CAMK4: variants seen among roughly 807,000 people sequenced by gnomAD.
CAMK4 encodes calcium/calmodulin-dependent protein kinase type IV.
Under a neutral mutation model 44.9 loss-of-function variants are expected in CAMK4, and 22 were observed. That is an observed-to-expected ratio of 0.49 (90% CI 0.35 to 0.70). The LOEUF (loss-of-function observed/expected upper bound fraction) is 0.70, where lower values mean the gene tolerates loss of function less well. Among genes scored for constraint, CAMK4 ranks in the 30% least tolerant of loss-of-function variants. The pLI, the probability that CAMK4 is intolerant of heterozygous loss-of-function variation, is 0.01. For missense variants in CAMK4, 498 were observed against 586.8 expected (o/e 0.85, Z 1.56); for synonymous variants, 218 against 215.4 (o/e 1.01, Z -0.11).
chr5:111,408,020 A>T (rs1190180967), intron 5 of CAMK4, among the ~76,000 whole-genome samples: 1 of 152,070 alleles, frequency 6.6e-6, no homozygotes, highest in Non-Finnish European at 1.5e-5. Flanking sequence ...GAGGCAGGAG[A>T]ATCGCTTGAA....
At chr5:111,352,637 C>CAG (rs70973603) in intron 2 of CAMK4, among the ~76,000 whole-genome samples, 38,382 of 108,890 alleles carry the variant, frequency 0.35, 6,897 homozygotes, top group South Asian at 0.51. Context: ...GGCAGAATAG[C>CAG]AGAGAGAGAG....
intron 5 of CAMK4, among the ~76,000 whole-genome samples, chr5:111,423,433 GA>G (rs1753103719): frequency 6.6e-6 from 1 of 152,090 alleles, no homozygotes; most frequent in African/African-American, 2.4e-5. Context: ...ATTTAACATT[GA>G]AACACATACA....
chr5:111,414,393 G>A (rs1752739788), intron 5 of CAMK4, among the ~76,000 whole-genome samples: 1 of 152,088 alleles, frequency 6.6e-6, no homozygotes, highest in African/African-American at 2.4e-5. Flanking sequence ...AGCAGCAGCA[G>A]CAGCAGCAGC....
chr5:111,308,575 T>G, intron 1 of CAMK4, among the ~76,000 whole-genome samples: 1 of 152,300 alleles, frequency 6.6e-6, no homozygotes, highest in East Asian at 1.9e-4. Flanking sequence ...TTTTTGGAGA[T>G]CAATCCAAAA....
At chr5:111,272,913 C>T (rs901738821) in intron 1 of CAMK4, among the ~76,000 whole-genome samples, 1 of 152,150 alleles carries the variant, frequency 6.6e-6, no homozygotes, top group Non-Finnish European at 1.5e-5. Flanking sequence ...CTGATACACT[C>T]AGATATAATT....
At chr5:111,294,004 C>G (rs184382769) in intron 1 of CAMK4, among the ~76,000 whole-genome samples, 2 of 152,260 alleles carry the variant, frequency 1.3e-5, no homozygotes, top group Admixed American at 1.3e-4. Flanking sequence ...GCCTCGGCCT[C>G]CCAAAGTGCT....
At chr5:111,268,487 A>C (rs992469398) in intron 1 of CAMK4, among the ~76,000 whole-genome samples, 1 of 152,252 alleles carries the variant, frequency 6.6e-6, no homozygotes, top group Non-Finnish European at 1.5e-5. Context: ...CCAAGGAATG[A>C]TCCCCACTTA....
chr5:111,296,506 T>C (rs1335662409), intron 1 of CAMK4, among the ~76,000 whole-genome samples: 1 of 152,248 alleles, frequency 6.6e-6, no homozygotes, highest in Non-Finnish European at 1.5e-5. Flanking sequence ...TGTCAGTTGA[T>C]TTTTTACATT....
chr5:111,367,021 A>G (rs181556500), intron 2 of CAMK4, among the ~76,000 whole-genome samples: 1 of 151,898 alleles, frequency 6.6e-6, no homozygotes, highest in Admixed American at 6.6e-5. Context: ...AATGACAAAT[A>G]AATGGAGACA....
At chr5:111,269,583 C>T (rs1376647189) in intron 1 of CAMK4, among the ~76,000 whole-genome samples, 1 of 152,070 alleles carries the variant, frequency 6.6e-6, no homozygotes, top group Non-Finnish European at 1.5e-5. Context: ...GTTTGGGTAC[C>T]ATGCAAGCAC....
intron 5 of CAMK4, among the ~76,000 whole-genome samples, chr5:111,421,734 A>C (rs1313325963): frequency 6.6e-6 from 1 of 152,112 alleles, no homozygotes; most frequent in Non-Finnish European, 1.5e-5. Flanking sequence ...ATTATGTTGA[A>C]AGACATTGAT....
Position 111,428,341 on chromosome 5 carries a change from A to G in CAMK4, c.460-18345A>G, listed in dbSNP as rs544916357. Among the ~76,000 whole-genome samples, 4 of 152,368 alleles carry G rather than the reference A, an allele frequency of 2.6e-5. No homozygotes were observed. The South Asian group carries it at 8.3e-4, about 32-fold the overall frequency. On this transcript the variant is annotated intron_variant, in intron 5 of 10. Transcript: ENST00000282356. ...GCCCAGATACCAAAAAACATCTGCTAGCATCAGCACTCTCCAGGAAAACAT... is the reference window on the plus strand; with the variant it reads ...GCCCAGATACCAAAAAACATCTGCTGGCATCAGCACTCTCCAGGAAAACAT...
intron 5 of CAMK4, among the ~76,000 whole-genome samples, chr5:111,433,777 T>G (rs1753546230): frequency 6.6e-6 from 1 of 152,218 alleles, no homozygotes. Flanking sequence ...AGTAAGGCTG[T>G]GTGGCTAGGG....
chr5:111,276,637 C>T (rs1287954457), intron 1 of CAMK4, among the ~76,000 whole-genome samples: 1 of 152,046 alleles, frequency 6.6e-6, no homozygotes, highest in African/African-American at 2.4e-5. Context: ...TTAGGTCATG[C>T]CTTGTTTTCC....
At chr5:111,282,263 A>G (rs1216092545) in intron 1 of CAMK4, among the ~76,000 whole-genome samples, 2 of 152,230 alleles carry the variant, frequency 1.3e-5, no homozygotes, top group East Asian at 3.9e-4. Context: ...GCAGTTCCCT[A>G]CTGTTATTTT....
chr5:111,287,275 G>A (rs189853687), intron 1 of CAMK4, among the ~76,000 whole-genome samples: 3 of 152,186 alleles, frequency 2.0e-5, no homozygotes, highest in Non-Finnish European at 4.4e-5. Context: ...AGGTGATAGG[G>A]GAGTGAATCA....
intron 1 of CAMK4, among the ~76,000 whole-genome samples, chr5:111,321,092 C>A (rs1000739112): frequency 1.3e-5 from 2 of 152,096 alleles, no homozygotes; most frequent in African/African-American, 4.8e-5. Context: ...TGGAAGTGAG[C>A]CTTTCAACGT....
chr5:111,264,352 T>A (rs770884461), intron 1 of CAMK4, among the ~76,000 whole-genome samples: 1 of 152,216 alleles, frequency 6.6e-6, no homozygotes, highest in Non-Finnish European at 1.5e-5. Context: ...GCCTGGGTGG[T>A]TGATGTATAA....
At chr5:111,262,311 A>T (rs1750023253) in intron 1 of CAMK4, among the ~76,000 whole-genome samples, 1 of 152,068 alleles carries the variant, frequency 6.6e-6, no homozygotes, top group Non-Finnish European at 1.5e-5. Flanking sequence ...GGAGGATGTT[A>T]GTGGAGGGCT....
Sources: gnomAD v4.1 joint callset for allele counts (sites outside exome capture counted in the v4.1 genomes callset) on GRCh38, gnomAD v4.1.1 for gene constraint, MANE v1.5 for transcripts, NCBI Gene and HGNC (gene_info 2026-07-23, HGNC 2026-07-21) for gene names.